Variants in HDAC9 observed in about 807,000 individuals in gnomAD.
HDAC9 encodes the protein histone deacetylase 9.
In HDAC9, 41 loss-of-function variants were observed where a neutral mutation model predicts 139.4. The observed-to-expected ratio is 0.29, with a 90% confidence interval of 0.23 to 0.38. HDAC9 has a LOEUF of 0.38. HDAC9 is among the 10% of genes least tolerant of loss of function. The probability of loss-of-function intolerance (pLI) is 1.00; values close to 1 mark genes in which losing one functional copy is unlikely to be tolerated. For missense variants in HDAC9, 1,147 were observed against 1,297.0 expected, an observed-to-expected ratio of 0.88 and a Z score of 1.78; for synonymous variants, 517 against 476.2, an observed-to-expected ratio of 1.09 and a Z score of -1.12.
At chr7:18,261,350 C>G (rs1054605857) in intron 2 of HDAC9, among the ~76,000 whole-genome samples, 7 of 152,080 alleles carry the variant, frequency 4.6e-5, no homozygotes, top group African/African-American at 1.7e-4. Flanking sequence ...TTGTTTCTGA[C>G]TTAGCAGAAT....
chr7:18,733,020 TA>T (rs1786462644), intron 13 of HDAC9, among the ~76,000 whole-genome samples: 1 of 143,062 alleles, frequency 7.0e-6, no homozygotes, highest in South Asian at 2.1e-4. Context: ...TGTATGTGTG[TA>T]TATATGTATA....
At chr7:18,507,170 A>ATATTATTATTAT (rs59819356) in intron 2 of HDAC9, among the ~76,000 whole-genome samples, 5,946 of 144,262 alleles carry the variant, frequency 0.041, 295 homozygotes, top group African/African-American at 0.11. Context: ...TATTCATTAC[A>ATATTATTATTAT]TATTATTATT....
chr7:18,286,392 G>A (rs187580980), upstream of HDAC9, among the ~76,000 whole-genome samples: 28 of 148,788 alleles, frequency 1.9e-4, no homozygotes, highest in East Asian at 5.1e-3. Flanking sequence ...ATAGTAATAT[G>A]TATTTATATA....
chr7:18,446,764 A>AT (rs916303660), intron 1 of HDAC9, among the ~76,000 whole-genome samples: 29 of 151,744 alleles, frequency 1.9e-4, no homozygotes, highest in African/African-American at 6.6e-4. Flanking sequence ...TGCAAGATGC[A>AT]TTTTTTGAAA....
chr7:18,478,385 T>C (rs1249396726), intron 1 of HDAC9, among the ~76,000 whole-genome samples: 2 of 152,224 alleles, frequency 1.3e-5, no homozygotes, highest in Non-Finnish European at 2.9e-5. Context: ...TACTGTACTT[T>C]TAAGTGCAGT....
chr7:18,817,300 C>T (rs7459007), intron 17 of HDAC9, among the ~76,000 whole-genome samples: 64,901 of 151,878 alleles, frequency 0.43, 15,501 homozygotes, highest in African/African-American at 0.65. Context: ...TCCCAAAGTG[C>T]TGGGTTTACA....
chr7:18,720,307 A>G (rs1785045294), intron 12 of HDAC9, among the ~76,000 whole-genome samples: 1 of 151,780 alleles, frequency 6.6e-6, no homozygotes, highest in Non-Finnish European at 1.5e-5. Context: ...TTGCATTTTA[A>G]TTAATTTATT....
intron 1 of HDAC9, among the ~76,000 whole-genome samples, chr7:18,373,155 C>T (rs139849350): frequency 6.6e-6 from 1 of 152,128 alleles, no homozygotes; most frequent in Non-Finnish European, 1.5e-5. Flanking sequence ...CTGTCAACCA[C>T]AAAAAGAACT....
chr7:18,317,094 AAAATAAAT>A (rs71014322), intron 1 of HDAC9, among the ~76,000 whole-genome samples: 69,955 of 127,266 alleles, frequency 0.55, 19,615 homozygotes, highest in African/African-American at 0.6. Context: ...ACTCTGTCTC[AAAATAAAT>A]AAATAAATAA....
chr7:18,459,015 C>T, intron 1 of HDAC9: 2 of 779,020 alleles, frequency 2.6e-6, no homozygotes, highest in Non-Finnish European at 2.1e-6. Flanking sequence ...ACAACTTGGC[C>T]AAGATATGCT....
intron 1 of HDAC9, among the ~76,000 whole-genome samples, chr7:18,463,730 T>C (rs1794039915): frequency 6.6e-6 from 1 of 151,976 alleles, no homozygotes; most frequent in African/African-American, 2.4e-5. Flanking sequence ...TTGAAAACTG[T>C]AGTTTTTCCT....
At chr7:18,197,566 G>C (rs1339207570) in intron 2 of HDAC9, among the ~76,000 whole-genome samples, 1 of 152,106 alleles carries the variant, frequency 6.6e-6, no homozygotes, top group African/African-American at 2.4e-5. Context: ...GAGTTCACAG[G>C]TGAATGAGAG....
chr7:18,973,634 T>C (rs943675926), intron 24 of HDAC9, among the ~76,000 whole-genome samples: 2 of 152,166 alleles, frequency 1.3e-5, no homozygotes, highest in African/African-American at 4.8e-5. Flanking sequence ...TAGAGCTGGA[T>C]AGTATTTGGC....
At position 18,773,364 on chromosome 7, in the gene HDAC9, TACACACACACACACACACAC is replaced by T. The variant is rs4043674; in HGVS notation, c.2214+6237_2214+6256del. Among the ~76,000 whole-genome samples the T allele has an allele frequency of 1.1e-3, 153 of 142,834 alleles. 1 individual carries two copies. The highest frequency in any genetic ancestry group is 1.9e-3 in the Non-Finnish European group (122 of 65,308). 93.7% of individuals were successfully genotyped at this position (142,834 alleles called of 152,430 possible). A position where few individuals can be genotyped will look rare whatever the true frequency, so the allele number is the denominator to read the frequency against. ...AGACCTATTTTTTTAAAAAACTGTA[TACACACACACACACACACAC>T]ACACACACACACACACACACACACA... On this transcript the variant is annotated intron_variant, in intron 16 of 25. Transcript: ENST00000686413.
chr7:18,254,982 T>C (rs1400901143), intron 2 of HDAC9, among the ~76,000 whole-genome samples: 1 of 152,202 alleles, frequency 6.6e-6, no homozygotes, highest in African/African-American at 2.4e-5. Flanking sequence ...GCTTTTTATA[T>C]ACACACATAT....
At chr7:18,823,305 G>A (rs1467579031) in intron 17 of HDAC9, among the ~76,000 whole-genome samples, 1 of 152,174 alleles carries the variant, frequency 6.6e-6, no homozygotes, top group Non-Finnish European at 1.5e-5. Context: ...TTGGAAGAAC[G>A]AAAGGAAGGT....
intron 11 of HDAC9, among the ~76,000 whole-genome samples, chr7:18,652,589 A>T (rs1415648877): frequency 6.6e-6 from 1 of 152,162 alleles, no homozygotes; most frequent in Non-Finnish European, 1.5e-5. Flanking sequence ...GTAATTTGAC[A>T]TAGATCTCTG....
intron 12 of HDAC9, among the ~76,000 whole-genome samples, chr7:18,715,463 G>A (rs1433289530): frequency 2.0e-5 from 3 of 152,104 alleles, no homozygotes; most frequent in African/African-American, 7.2e-5. Flanking sequence ...TAGAGATAAA[G>A]TCAAACTTTT....
intron 23 of HDAC9, among the ~76,000 whole-genome samples, chr7:18,950,734 C>A (rs1179953727): frequency 2.0e-5 from 3 of 151,580 alleles, no homozygotes; most frequent in African/African-American, 7.3e-5. Context: ...GAGGAGCACG[C>A]AATATTTGCG....
Sources: allele counts gnomAD v4.1 joint callset (sites outside exome capture counted in the v4.1 genomes callset), GRCh38; gene constraint gnomAD v4.1.1; transcripts MANE v1.5; gene names NCBI Gene and HGNC (gene_info 2026-07-23, HGNC 2026-07-21).